The following PNOC variants were observed in gnomAD, a reference collection of about 807,000 sequenced individuals.
PNOC encodes the protein prepronociceptin, also known as nociceptin.
Under a neutral mutation model 15.6 loss-of-function variants are expected in PNOC, and 10 were observed. The observed-to-expected ratio is 0.64, with a 90% CI of 0.40 to 1.09. The LOEUF (loss-of-function observed/expected upper bound fraction) is 1.09. Ranked by LOEUF, PNOC falls within the 50% of genes least tolerant of loss-of-function variation. The pLI is 0.01. For missense variants in PNOC, 220 were observed against 223.9 expected, an observed-to-expected ratio of 0.98 and a Z score of 0.11; for synonymous variants, 98 against 88.5, an observed-to-expected ratio of 1.11 and a Z score of -0.60.
At chr8:28,332,659 C>T (rs1801346203) in intron 2 of PNOC, among the ~76,000 whole-genome samples, 1 of 151,932 alleles carries the variant, frequency 6.6e-6, no homozygotes, top group South Asian at 2.1e-4. Flanking sequence ...TTTCAAACTC[C>T]CTAAAATTTG....
At chr8:28,320,391 T>C (rs2722899) in intron 1 of PNOC, among the ~76,000 whole-genome samples, 145,107 of 152,186 alleles carry the variant, frequency 0.95, 69,580 homozygotes, top group East Asian at 1. Flanking sequence ...GAGCACAGGG[T>C]GGCCAGAGCG....
intron 2 of PNOC, 53 bp downstream of exon 2, chr8:28,329,336 C>G (rs1801283921): frequency 3.1e-6 from 5 of 1,599,866 alleles, no homozygotes; most frequent in Non-Finnish European, 4.3e-6. Flanking sequence ...ACTACCTCCT[C>G]CCTCCCTACT....
Position 28,339,177 on chromosome 8 carries a change from A to G in PNOC, c.264A>G (p.Arg88=), listed in dbSNP as rs1366986797. 1.2e-6 allele frequency: 2 copies of G among 1,613,604 alleles called. No homozygotes were observed. The highest frequency in any genetic ancestry group is 1.7e-5 in the Admixed American group (1 of 60,002). The part of the protein sequence containing the change: ...EHVAAALYQP[R]ASEMQHLRRM... ...TGGCGGCTGCTCTCTACCAGCCGAG[A>G]GCTTCGGAGATGCAGCATCTGCGGC... The change falls in exon 3 of 4, where the codon AGA becomes AGG. Residue 88 remains arginine, a synonymous_variant. Coordinates refer to ENST00000301908, the MANE Select transcript of PNOC (RefSeq NM_006228.5).
intron 2 of PNOC, among the ~76,000 whole-genome samples, chr8:28,334,174 G>T (rs1801374911): frequency 6.6e-6 from 1 of 152,138 alleles, no homozygotes; most frequent in African/African-American, 2.4e-5. Flanking sequence ...ATCCACGCCT[G>T]TAGAGTACTA....
chr8:28,321,591 G>A (rs909060342), intron 1 of PNOC, among the ~76,000 whole-genome samples: 2 of 152,084 alleles, frequency 1.3e-5, no homozygotes, highest in Non-Finnish European at 1.5e-5. Flanking sequence ...ACAAATATCT[G>A]GCCATTCATA....
chr8:28,340,944 A>G (rs929696528), intron 3 of PNOC, among the ~76,000 whole-genome samples: 4 of 152,230 alleles, frequency 2.6e-5, no homozygotes, highest in Non-Finnish European at 5.9e-5. Flanking sequence ...ACATCTCAAC[A>G]TGAAATTGGA....
chr8:28,321,721 G>T (rs188573796), intron 1 of PNOC, among the ~76,000 whole-genome samples: 76 of 152,286 alleles, frequency 5.0e-4, no homozygotes, highest in South Asian at 1.0e-3. Context: ...CAGACTAGAA[G>T]CCAGGACTCT....
chr8:28,335,815 C>T (rs188025205), intron 2 of PNOC, among the ~76,000 whole-genome samples: 11 of 152,230 alleles, frequency 7.2e-5, no homozygotes, highest in Middle Eastern at 3.4e-3. Context: ...AGGCATGAGC[C>T]ACTGCGCCTA....
At chr8:28,321,913 G>C (rs1434713659) in intron 1 of PNOC, among the ~76,000 whole-genome samples, 1 of 152,182 alleles carries the variant, frequency 6.6e-6, no homozygotes, top group South Asian at 2.1e-4. Flanking sequence ...AAGAGGAAAA[G>C]AAACTAAAGC....
At chr8:28,338,066 G>A (rs1801443912) in intron 2 of PNOC, among the ~76,000 whole-genome samples, 1 of 152,186 alleles carries the variant, frequency 6.6e-6, no homozygotes, top group African/African-American at 2.4e-5. Context: ...GGAGCTCCAC[G>A]CTATGATGAG....
intron 1 of PNOC, among the ~76,000 whole-genome samples, chr8:28,318,433 G>T (rs1051502519): frequency 1.4e-4 from 21 of 152,156 alleles, no homozygotes; most frequent in African/African-American, 5.1e-4. Context: ...AGCTTTGCAC[G>T]GCATTCGCCA....
rs886358925 is a variant in PNOC, at chr8:28,329,117, G to T, written c.-23-18G>T. The T allele has an allele frequency of 5.6e-6, 9 of 1,610,442 alleles. No homozygotes were observed. In the African/African-American group the frequency reaches 8.0e-5, roughly 14 times the overall value. ...CGAGAATGGCTGTACTCATTGCCAT[G>T]CTTCCTGTATGTTCCAGCACCTGCT... On this transcript the variant is annotated intron_variant, in intron 1 of 3. Coordinates refer to ENST00000301908, the MANE Select transcript of PNOC (RefSeq NM_006228.5).
rs1037509369 is a variant in PNOC at position 28,329,271 on chromosome 8, C to T, written c.114C>T (p.Ser38=). The T allele has an allele frequency of 1.2e-6, 2 of 1,613,584 alleles. No individual in the cohort carries two copies. The highest frequency in any genetic ancestry group is 1.7e-6 in the Non-Finnish European group (2 of 1,180,022). The change falls in exon 2 of 4, where the codon AGC becomes AGT. Residue 38 remains serine, a synonymous_variant. Transcript: ENST00000301908. ...AGAAGCTCCACCCAGCCCTGGACAGCTTCGACCTGGAGGTAGGTCTCCAAG... is the reference window on the plus strand; with the variant it reads ...AGAAGCTCCACCCAGCCCTGGACAGTTTCGACCTGGAGGTAGGTCTCCAAG... ...CQEKLHPALD[S]FDLEVCILEC... is the part of the protein sequence containing the mutation.
chr8:28,327,002 T>C (rs745729062), intron 1 of PNOC, among the ~76,000 whole-genome samples: 3 of 152,188 alleles, frequency 2.0e-5, no homozygotes, highest in Non-Finnish European at 4.4e-5. Context: ...TTCCTCAATA[T>C]CATCTGAAGA....
At chr8:28,336,061 G>C (rs144818036) in intron 2 of PNOC, among the ~76,000 whole-genome samples, 20 of 152,286 alleles carry the variant, frequency 1.3e-4, no homozygotes, top group African/African-American at 4.3e-4. Context: ...TCCCAGTCCT[G>C]GTTGCAACTA....
chr8:28,333,936 G>T (rs540672078), intron 2 of PNOC, among the ~76,000 whole-genome samples: 1 of 152,258 alleles, frequency 6.6e-6, no homozygotes, highest in African/African-American at 2.4e-5. Flanking sequence ...TTGTAGAGCA[G>T]AGTTTCTCAA....
chr8:28,341,609 C>T (rs574282876), intron 3 of PNOC, among the ~76,000 whole-genome samples: 2 of 152,294 alleles, frequency 1.3e-5, no homozygotes, highest in African/African-American at 4.8e-5. Flanking sequence ...TGATTTGAGC[C>T]TCTATCCAGG....
At chr8:28,336,751 TG>T (rs1233059398) in intron 2 of PNOC, among the ~76,000 whole-genome samples, 1 of 151,950 alleles carries the variant, frequency 6.6e-6, no homozygotes, top group Non-Finnish European at 1.5e-5. Flanking sequence ...CTGATGACAG[TG>T]GCAAAGACCA....
At chr8:28,325,556 G>A (rs1456544967) in intron 1 of PNOC, among the ~76,000 whole-genome samples, 1 of 150,698 alleles carries the variant, frequency 6.6e-6, no homozygotes, top group Non-Finnish European at 1.5e-5. Flanking sequence ...GGAGGCTGAG[G>A]CATGAGAATC....
Sources: gnomAD v4.1 joint callset for allele counts (sites outside exome capture counted in the v4.1 genomes callset) on GRCh38, gnomAD v4.1.1 for gene constraint, MANE v1.5 for transcripts, NCBI Gene and HGNC (gene_info 2026-07-23, HGNC 2026-07-21) for gene names.